Variants in NOSTRIN observed in about 807,000 individuals in gnomAD.
NOSTRIN encodes BM247 homolog.
A neutral mutation model predicts 59.0 loss-of-function variants in NOSTRIN; 63 were observed. That is an observed-to-expected ratio of 1.07 (90% confidence interval 0.87 to 1.32). NOSTRIN has a LOEUF of 1.32. Among genes scored for constraint, NOSTRIN ranks in the 40% most tolerant of loss-of-function variants. NOSTRIN has a pLI of 0.00. For missense variants in NOSTRIN, 512 were observed against 473.1 expected, an observed-to-expected ratio of 1.08 and a Z score of -0.76; for synonymous variants, 200 against 165.4, an observed-to-expected ratio of 1.21 and a Z score of -1.61.
intron 1 of NOSTRIN, among the ~76,000 whole-genome samples, chr2:168,810,510 G>T (rs903709846): frequency 6.6e-6 from 1 of 152,134 alleles, no homozygotes; most frequent in African/African-American, 2.4e-5. Context: ...TTGTGTGTTT[G>T]TGAATGTGCC....
rs994056242 is a variant in NOSTRIN at position 168,843,177 on chromosome 2, G to C, written c.630+60G>C. ...TGGAGCTTTGTGTGACCTTGAAGAT[G>C]GAGGTCAGATTACAGTGACAAGACC... On this transcript the variant is annotated intron_variant, in intron 8 of 15. Transcript: ENST00000317647. The C allele has an allele frequency of 3.0e-5, 25 of 827,652 alleles. No homozygotes were observed. The African/African-American group carries it at 4.0e-4, about 13-fold the overall frequency. 51.3% of individuals were successfully genotyped at this position (827,652 alleles called of 1,614,324 possible).
intron 1 of NOSTRIN, chr2:168,786,723 C>T (rs1216867127): frequency 6.6e-6 from 1 of 152,130 alleles, no homozygotes; most frequent in Non-Finnish European, 1.5e-5. Flanking sequence ...TCGAAGTGTA[C>T]TTTACTTCCT....
chr2:168,837,921 G>C (rs12386224), intron 7 of NOSTRIN, among the ~76,000 whole-genome samples: 33,473 of 151,716 alleles, frequency 0.22, 4,364 homozygotes, highest in East Asian at 0.29. Flanking sequence ...TTTCTTTATG[G>C]GCTCCCTTTT....
intron 2 of NOSTRIN, among the ~76,000 whole-genome samples, chr2:168,788,404 G>A (rs1244331194): frequency 2.0e-5 from 3 of 152,210 alleles, no homozygotes; most frequent in Non-Finnish European, 4.4e-5. Context: ...GTGGCCCGGA[G>A]TGGAATGATG....
At chr2:168,819,259 T>C (rs1273173547) in intron 2 of NOSTRIN, among the ~76,000 whole-genome samples, 1 of 152,168 alleles carries the variant, frequency 6.6e-6, no homozygotes, top group Non-Finnish European at 1.5e-5. Flanking sequence ...GGGTGTGCCT[T>C]GCTGCCTCTG....
At chr2:168,817,521 C>T (rs139704477) in intron 2 of NOSTRIN, among the ~76,000 whole-genome samples, 425 of 149,498 alleles carry the variant, frequency 2.8e-3, no homozygotes, top group Non-Finnish European at 5.0e-3. Context: ...ATTTTGTTTC[C>T]CTGCTGAAAA....
At chr2:168,856,347 C>T (rs750281419) in intron 11 of NOSTRIN, 5 of 279,282 alleles carry the variant, frequency 1.8e-5, no homozygotes, top group Admixed American at 9.8e-5. Context: ...GAAGCCAAGG[C>T]GGGTGGATCA....
intron 3 of NOSTRIN, among the ~76,000 whole-genome samples, chr2:168,826,666 G>A (rs1184457282): frequency 6.6e-6 from 1 of 152,100 alleles, no homozygotes; most frequent in African/African-American, 2.4e-5. Context: ...CTCCTCCAAG[G>A]GGCAAATGTC....
At chr2:168,855,638 CAAAAAAAA>C in intron 11 of NOSTRIN, 178 bp downstream of exon 11, 2 of 113,856 alleles carry the variant, frequency 1.8e-5, no homozygotes, top group East Asian at 2.6e-4. Context: ...AAAAGAAAGC[CAAAAAAAA>C]AAAAAAAAGG....
chr2:168,816,454 T>A (rs750735538), intron 2 of NOSTRIN, among the ~76,000 whole-genome samples: 2 of 152,086 alleles, frequency 1.3e-5, no homozygotes, highest in Non-Finnish European at 2.9e-5. Context: ...CTGGGCCACT[T>A]GCAATCCCAC....
intron 15 of NOSTRIN, chr2:168,863,799 T>C: frequency 3.5e-6 from 1 of 282,334 alleles, no homozygotes; most frequent in Non-Finnish European, 5.3e-6. Context: ...AACACCAGCA[T>C]GTGAAACCCT....
intron 2 of NOSTRIN, among the ~76,000 whole-genome samples, chr2:168,788,897 A>AGATAGAT (rs1207066467): frequency 2.7e-5 from 2 of 74,790 alleles, no homozygotes; most frequent in East Asian, 5.9e-4. Flanking sequence ...ATAAAAAGAT[A>AGATAGAT]GATAGATAGA....
intron 2 of NOSTRIN, among the ~76,000 whole-genome samples, chr2:168,817,331 T>C (rs1445776907): frequency 6.6e-6 from 1 of 152,162 alleles, no homozygotes; most frequent in East Asian, 1.9e-4. Context: ...GCAGCAGTCA[T>C]GAAGCCCAGT....
intron 2 of NOSTRIN, 53 bp from the exon 3 acceptor site, chr2:168,824,581 G>T: frequency 1.2e-6 from 1 of 848,050 alleles, no homozygotes; most frequent in South Asian, 1.3e-5. Flanking sequence ...TTATAGGTGT[G>T]AGCCACTGTG....
At chr2:168,841,118 T>C (rs1467487667) in intron 7 of NOSTRIN, among the ~76,000 whole-genome samples, 1 of 151,010 alleles carries the variant, frequency 6.6e-6, no homozygotes, top group Admixed American at 6.6e-5. Flanking sequence ...TCCCAGCTAC[T>C]TGGGAGGCTG....
intron 2 of NOSTRIN, chr2:168,818,308 TG>T: frequency 3.2e-6 from 1 of 313,728 alleles, no homozygotes; most frequent in Non-Finnish European, 6.6e-6. Context: ...TGTGTGCCAC[TG>T]CTCTGGGCTA....
intron 8 of NOSTRIN, among the ~76,000 whole-genome samples, chr2:168,847,464 G>A (rs11676084): frequency 0.18 from 27,002 of 152,112 alleles, 3,178 homozygotes; most frequent in Non-Finnish European, 0.26. Flanking sequence ...ATATTCTAAA[G>A]TTTGAGAGTC....
At chr2:168,862,696 C>T (rs561643016) in intron 15 of NOSTRIN, among the ~76,000 whole-genome samples, 5 of 152,300 alleles carry the variant, frequency 3.3e-5, no homozygotes, top group Admixed American at 6.5e-5. Flanking sequence ...AAAGGTATTA[C>T]GTAGTGGCTT....
In NOSTRIN at chr2:168,828,373, G is replaced by A. The variant is rs772178978; in HGVS notation, c.261-47G>A. On this transcript the variant is annotated intron_variant, in intron 4 of 15. Coordinates refer to ENST00000317647, the MANE Select transcript of NOSTRIN (RefSeq NM_001039724.4). ...CCAGAAAGTAATTTGGAAAGTAGAT[G>A]TAAACGCTGATATTATGCTTATGTG... 11 of 867,006 alleles carry A rather than the reference G, an allele frequency of 1.3e-5. No homozygotes were observed. The East Asian group carries it at 2.6e-4, about 21-fold the overall frequency. 53.7% of individuals were successfully genotyped at this position (867,006 alleles called of 1,614,324 possible).
Sources: gnomAD v4.1 joint callset for allele counts (sites outside exome capture counted in the v4.1 genomes callset) on GRCh38, gnomAD v4.1.1 for gene constraint, MANE v1.5 for transcripts, NCBI Gene and HGNC (gene_info 2026-07-23, HGNC 2026-07-21) for gene names.